NAV3: variants seen among roughly 807,000 people sequenced by gnomAD.
NAV3 encodes the protein neuron navigator 3, also known as pore membrane and/or filament interacting like protein 1.
In NAV3, 87 loss-of-function variants were observed where a neutral mutation model predicts 244.7. The ratio of observed to expected loss-of-function variants is 0.36; its 90% confidence interval spans 0.30 to 0.42. The LOEUF (loss-of-function observed/expected upper bound fraction) is 0.42. NAV3 is among the 20% of genes least tolerant of loss of function. The pLI is 1.00. For missense variants in NAV3, 2,663 were observed against 2,893.3 expected (o/e 0.92, Z 1.83); for synonymous variants, 1,126 against 1,042.2 (o/e 1.08, Z -1.55).
intron 1 of NAV3, among the ~76,000 whole-genome samples, chr12:77,877,742 A>T (rs1169834663): frequency 1.3e-5 from 2 of 152,130 alleles, no homozygotes; most frequent in African/African-American, 4.8e-5. Flanking sequence ...GGCTATACAT[A>T]GAGACTGTCT....
chr12:78,177,693 G>A lies in NAV3; in HGVS notation c.5363+8G>A. On this transcript the variant is annotated splice_region_variant and intron_variant, in intron 28 of 39. Transcript: ENST00000397909. ...CTACAAGCATAGATCTCGGTAAAGT[G>A]GAGTGCGATGCATGAATACTGCAAA... is the stretch of plus-strand genomic sequence containing the variant. 1 of 1,596,464 alleles carries A rather than the reference G, an allele frequency of 6.3e-7. No homozygotes were observed. Among genetic ancestry groups the A allele is most frequent in the Non-Finnish European group, 8.5e-7 (1 of 1,178,772 alleles).
At chr12:78,055,675 A>G (rs1883390829) in intron 11 of NAV3, among the ~76,000 whole-genome samples, 1 of 152,214 alleles carries the variant, frequency 6.6e-6, no homozygotes. Flanking sequence ...GGCAAATGGC[A>G]AAAGAGGGGA....
rs2137257764 is a variant in NAV3, at chr12:78,051,012, G to C, written c.2381G>C (p.Gly794Ala). The change falls in exon 11 of 40, where the codon GGA becomes GCA. Residue 794 changes from glycine (G) to alanine (A), a missense_variant. This residue lies in a region of NAV3 where 1,521 missense variants were observed against 1,497.0 expected (regional missense o/e 1.02). Transcript: ENST00000397909. The part of the protein sequence containing the change: ...PLRRAAVSRL[G>A]NMSQIDMSEK... ...CGTCGAGCTGCTGTCTCTAGGCTGG[G>C]AAACATGTCACAGATTGACATGAGT... is the stretch of plus-strand genomic sequence containing the variant. The C allele has an allele frequency of 6.2e-7, 1 of 1,614,134 alleles. No individual in the cohort carries two copies. The highest frequency in any genetic ancestry group is 1.1e-5 in the South Asian group (1 of 91,074).
At chr12:77,720,973 A>G (rs2137293931) in intron 2 of NAV3, among the ~76,000 whole-genome samples, 1 of 152,284 alleles carries the variant, frequency 6.6e-6, no homozygotes, top group Middle Eastern at 3.4e-3. Context: ...CCATAGATAT[A>G]AGCTCAGCAG....
intron 12 of NAV3, among the ~76,000 whole-genome samples, chr12:78,104,212 G>A (rs1311437237): frequency 6.6e-6 from 1 of 152,140 alleles, no homozygotes; most frequent in Non-Finnish European, 1.5e-5. Flanking sequence ...TGTTTTACAT[G>A]TACATGTGTA....
intron 3 of NAV3, among the ~76,000 whole-genome samples, chr12:77,946,390 A>G (rs1482101669): frequency 6.6e-6 from 1 of 151,976 alleles, no homozygotes; most frequent in Non-Finnish European, 1.5e-5. Context: ...CACATATTTA[A>G]GAAAAATATG....
intron 2 of NAV3, among the ~76,000 whole-genome samples, chr12:77,660,925 A>T (rs1213816370): frequency 6.6e-6 from 1 of 152,080 alleles, no homozygotes; most frequent in Non-Finnish European, 1.5e-5. Context: ...GCCGTAGTTC[A>T]TTTCTTTTTA....
rs142051840 is a variant in NAV3 at position 77,984,848 on chromosome 12, G to A, written c.672-9955G>A. Among the ~76,000 whole-genome samples, 202 of 151,148 alleles carry A rather than the reference G, an allele frequency of 1.3e-3. 2 individuals carry two copies. Among genetic ancestry groups the A allele is most frequent in the African/African-American group, 4.5e-3 (184 of 41,090 alleles). On this transcript the variant is annotated intron_variant, in intron 5 of 39. Coordinates refer to ENST00000397909, the MANE Select transcript of NAV3 (RefSeq NM_001024383.2). ...GTTTTTTTTTTCGAGACGGAGTCTC[G>A]CTCTGTCACCCATGCTGGAGTGCAG... is the stretch of plus-strand genomic sequence containing the variant.
chr12:77,693,085 G>C (rs1224091605), intron 2 of NAV3, among the ~76,000 whole-genome samples: 2 of 152,082 alleles, frequency 1.3e-5, no homozygotes, highest in African/African-American at 4.8e-5. Flanking sequence ...AGTGTCCAGA[G>C]CACAGAGAAA....
At chr12:78,209,529 T>G (rs567405256) in intron 39 of NAV3, among the ~76,000 whole-genome samples, 1 of 151,976 alleles carries the variant, frequency 6.6e-6, no homozygotes, top group Non-Finnish European at 1.5e-5. Flanking sequence ...ACAATTTGCC[T>G]TTAAACACTT....
intron 2 of NAV3, among the ~76,000 whole-genome samples, chr12:77,626,457 A>G (rs75853058): frequency 0.028 from 4,204 of 152,274 alleles, 110 homozygotes; most frequent in East Asian, 0.11. Context: ...GGAAGTTCAA[A>G]GATTCCGAAA....
intron 2 of NAV3, among the ~76,000 whole-genome samples, chr12:77,640,617 G>A (rs549243454): frequency 6.6e-6 from 1 of 152,176 alleles, no homozygotes; most frequent in African/African-American, 2.4e-5. Context: ...AATAAGTCTA[G>A]AATCTAAAAT....
At chr12:77,630,057 T>C (rs1871817464) in intron 2 of NAV3, among the ~76,000 whole-genome samples, 1 of 152,194 alleles carries the variant, frequency 6.6e-6, no homozygotes, top group East Asian at 1.9e-4. Flanking sequence ...ATTTAACTTA[T>C]GAGGCTAATG....
At chr12:77,799,968 T>C (rs1001851117) in intron 2 of NAV3, among the ~76,000 whole-genome samples, 3 of 152,224 alleles carry the variant, frequency 2.0e-5, no homozygotes, top group South Asian at 2.1e-4. Context: ...TGGGAGTTGA[T>C]GTCACAAAAA....
chr12:77,603,395 A>T (rs1344736194), intron 2 of NAV3, among the ~76,000 whole-genome samples: 1 of 152,024 alleles, frequency 6.6e-6, no homozygotes, highest in Admixed American at 6.6e-5. Context: ...CTTGTGGAAT[A>T]ATACACCTTG....
chr12:77,954,208 C>A (rs1447001033), intron 3 of NAV3, among the ~76,000 whole-genome samples: 2 of 152,146 alleles, frequency 1.3e-5, no homozygotes, highest in Non-Finnish European at 2.9e-5. Flanking sequence ...TTTGCATACC[C>A]ATTTCTGTCT....
At chr12:77,841,416 T>G (rs975687784) in intron 1 of NAV3, among the ~76,000 whole-genome samples, 1 of 152,230 alleles carries the variant, frequency 6.6e-6, no homozygotes, top group Non-Finnish European at 1.5e-5. Flanking sequence ...GCAAATTTTA[T>G]ATGCAATCAA....
intron 12 of NAV3, among the ~76,000 whole-genome samples, chr12:78,078,318 CCTAATTTCTATGA>C (rs1183073940): frequency 1.3e-5 from 2 of 148,470 alleles, no homozygotes; most frequent in Admixed American, 6.8e-5. Flanking sequence ...CTACATCAGA[CCTAATTTCTATGA>C]ACCCAAGTAA....
At chr12:77,733,756 A>G (rs765078371) in intron 2 of NAV3, among the ~76,000 whole-genome samples, 1 of 151,836 alleles carries the variant, frequency 6.6e-6, no homozygotes, top group Non-Finnish European at 1.5e-5. Flanking sequence ...GAGTAGTTTC[A>G]AGGAGAAAGT....
Sources: gnomAD v4.1 joint callset for allele counts (sites outside exome capture counted in the v4.1 genomes callset) on GRCh38, gnomAD v4.1.1 for gene constraint, gnomAD v4.1.1 regional missense constraint, MANE v1.5 for transcripts, NCBI Gene and HGNC (gene_info 2026-07-23, HGNC 2026-07-21) for gene names.